The following SLC39A11 variants were observed in gnomAD, a reference collection of about 807,000 sequenced individuals.
SLC39A11 encodes the protein solute carrier family 39 member 11, also known as zinc transporter ZIP11.
In SLC39A11, 33 loss-of-function variants were observed where a neutral mutation model predicts 36.1. The observed-to-expected ratio is 0.91, with a 90% CI of 0.69 to 1.22. SLC39A11 has a LOEUF of 1.22. Ranked by LOEUF, SLC39A11 falls within the 50% of genes most tolerant of loss-of-function variation. The pLI is 0.00. For missense variants in SLC39A11, 432 were observed against 430.3 expected, an observed-to-expected ratio of 1.00 and a Z score of -0.03; for synonymous variants, 166 against 170.3, an observed-to-expected ratio of 0.97 and a Z score of 0.20.
chr17:72,767,629 G>A (rs2075800532), intron 6 of SLC39A11, among the ~76,000 whole-genome samples: 1 of 152,230 alleles, frequency 6.6e-6, no homozygotes, highest in Non-Finnish European at 1.5e-5. Flanking sequence ...GGAGGTGACT[G>A]GGTGGAGCAT....
chr17:72,663,616 A>T (rs1365985271), intron 7 of SLC39A11, among the ~76,000 whole-genome samples: 1 of 152,154 alleles, frequency 6.6e-6, no homozygotes, highest in East Asian at 1.9e-4. Context: ...GCCCCAGAAG[A>T]GGATCGCCTG....
intron 7 of SLC39A11, among the ~76,000 whole-genome samples, chr17:72,679,606 T>C (rs1329882173): frequency 6.6e-6 from 1 of 151,792 alleles, no homozygotes; most frequent in African/African-American, 2.4e-5. Context: ...AGGTAAGGAG[T>C]TGAAGACCCA....
chr17:72,743,319 T>C (rs1014665787), intron 6 of SLC39A11, among the ~76,000 whole-genome samples: 1 of 152,180 alleles, frequency 6.6e-6, no homozygotes, highest in African/African-American at 2.4e-5. Context: ...TAGTGAACAC[T>C]GGCATCTGAG....
At chr17:73,034,013 G>C (rs2058824845) in intron 3 of SLC39A11, among the ~76,000 whole-genome samples, 1 of 152,182 alleles carries the variant, frequency 6.6e-6, no homozygotes, top group African/African-American at 2.4e-5. Flanking sequence ...GATGGGAGCT[G>C]AGGCTGATCC....
At chr17:72,857,931 T>C (rs1277247721) in intron 5 of SLC39A11, among the ~76,000 whole-genome samples, 1 of 152,248 alleles carries the variant, frequency 6.6e-6, no homozygotes, top group Non-Finnish European at 1.5e-5. Flanking sequence ...AGGTTGTCTG[T>C]TTACTCTGTT....
intron 3 of SLC39A11, among the ~76,000 whole-genome samples, chr17:73,071,354 A>G (rs1186024378): frequency 1.3e-5 from 2 of 152,236 alleles, no homozygotes; most frequent in Non-Finnish European, 2.9e-5. Flanking sequence ...AAGGGCCCAG[A>G]TAACTCATCA....
chr17:72,810,633 G>C (rs2077404794), intron 6 of SLC39A11, among the ~76,000 whole-genome samples: 1 of 152,114 alleles, frequency 6.6e-6, no homozygotes, highest in East Asian at 1.9e-4. Flanking sequence ...TGAGTTGCTA[G>C]GGTATTTTGT....
rs997590232 is a variant in SLC39A11 at position 72,731,537 on chromosome 17, CA to C, written c.671+5112del. 1.1e-3 allele frequency among the ~76,000 whole-genome samples: 32 copies of C among 29,018 alleles called. No homozygotes were observed. In the African/African-American group the frequency reaches 0.011, roughly 10 times the overall value. 19.0% of individuals were successfully genotyped at this position (29,018 alleles called of 152,430 possible). ...GTGCTTTCATTTGTGCAACCTTATG[CA>C]GTTTTTTTTTTTAAATAAACCTTTC... On this transcript the variant is annotated intron_variant, in intron 7 of 9. Coordinates refer to ENST00000255559, the MANE Select transcript of SLC39A11 (RefSeq NM_139177.4).
At chr17:72,826,765 T>A (rs1034442904) in intron 6 of SLC39A11, among the ~76,000 whole-genome samples, 10 of 152,128 alleles carry the variant, frequency 6.6e-5, no homozygotes, top group African/African-American at 2.4e-4. Context: ...CTGCTATTAG[T>A]CATCAGGGAA....
chr17:72,979,748 A>G (rs9898678), intron 4 of SLC39A11, among the ~76,000 whole-genome samples: 2 of 151,830 alleles, frequency 1.3e-5, no homozygotes, highest in Admixed American at 6.6e-5. Flanking sequence ...AATCTTGCCT[A>G]TAACAGGTAG....
chr17:72,752,448 T>C (rs2075193235), intron 6 of SLC39A11, among the ~76,000 whole-genome samples: 1 of 152,172 alleles, frequency 6.6e-6, no homozygotes, highest in East Asian at 1.9e-4. Context: ...TTTCACCATG[T>C]TGGCCAGGCT....
chr17:72,776,050 T>C (rs538461532), intron 6 of SLC39A11, among the ~76,000 whole-genome samples: 6 of 152,238 alleles, frequency 3.9e-5, no homozygotes, highest in South Asian at 2.1e-4. Context: ...CCAGGAAGAA[T>C]TGGGGAATAC....
At chr17:72,863,668 G>C (rs948291133) in intron 5 of SLC39A11, among the ~76,000 whole-genome samples, 1 of 152,232 alleles carries the variant, frequency 6.6e-6, no homozygotes, top group African/African-American at 2.4e-5. Context: ...TCTGCAGACA[G>C]TCAGGTCCTG....
At chr17:72,956,839 CACA>C (rs1269405492) in intron 4 of SLC39A11, among the ~76,000 whole-genome samples, 1 of 152,122 alleles carries the variant, frequency 6.6e-6, no homozygotes, top group Non-Finnish European at 1.5e-5. Flanking sequence ...GTATGTATCG[CACA>C]ACTATTGCTA....
chr17:73,071,705 C>A (rs1397060848), intron 3 of SLC39A11, among the ~76,000 whole-genome samples: 1 of 152,192 alleles, frequency 6.6e-6, no homozygotes, highest in Non-Finnish European at 1.5e-5. Context: ...GCCACAGAGT[C>A]CTGTTGAAGC....
At chr17:72,766,537 C>T (rs1444067402) in intron 6 of SLC39A11, among the ~76,000 whole-genome samples, 1 of 152,182 alleles carries the variant, frequency 6.6e-6, no homozygotes, top group South Asian at 2.1e-4. Flanking sequence ...GTCCTTCTCC[C>T]TCCAGCCTTG....
intron 7 of SLC39A11, among the ~76,000 whole-genome samples, chr17:72,657,424 G>C (rs576544067): frequency 6.6e-6 from 1 of 152,206 alleles, no homozygotes; most frequent in Non-Finnish European, 1.5e-5. Context: ...AGGAGGAGCA[G>C]AGATGGAAGA....
Position 72,851,579 on chromosome 17 carries a change from A to C in SLC39A11, c.431-1775T>G, listed in dbSNP as rs138819170. 1.2e-4 allele frequency among the ~76,000 whole-genome samples: 18 copies of C among 152,360 alleles called. No homozygotes were observed. In the East Asian group the frequency reaches 3.5e-3, roughly 29 times the overall value. The stretch of plus-strand genomic sequence containing the variant: ...TTCGCAGTGAACTACAACCTAACTT[A>C]GTATGTATACAAATGAAAATCTCAT... On this transcript the variant is annotated intron_variant, in intron 5 of 9. Coordinates refer to ENST00000255559, the MANE Select transcript of SLC39A11 (RefSeq NM_139177.4).
intron 4 of SLC39A11, among the ~76,000 whole-genome samples, chr17:73,011,252 C>T (rs1303503689): frequency 6.6e-6 from 1 of 152,218 alleles, no homozygotes; most frequent in Admixed American, 6.5e-5. Flanking sequence ...GGCGGTGCCC[C>T]AGGCAGAGCT....
Sources: gnomAD v4.1 joint callset for allele counts (sites outside exome capture counted in the v4.1 genomes callset) on GRCh38, gnomAD v4.1.1 for gene constraint, MANE v1.5 for transcripts, NCBI Gene and HGNC (gene_info 2026-07-23, HGNC 2026-07-21) for gene names.